The following ROBO1 variants were observed in gnomAD, a reference collection of about 807,000 sequenced individuals.
The protein encoded by ROBO1 is roundabout homolog 1.
In ROBO1, 149 loss-of-function variants were observed where a neutral mutation model predicts 195.9. The observed-to-expected ratio is 0.76, with a 90% confidence interval of 0.67 to 0.87. ROBO1 has a LOEUF of 0.87. Ranked by LOEUF, ROBO1 falls within the 40% of genes least tolerant of loss-of-function variation. ROBO1 has a pLI of 0.00. For missense variants in ROBO1, 1,933 were observed against 2,068.3 expected, an observed-to-expected ratio of 0.93 and a Z score of 1.27; for synonymous variants, 816 against 733.2, an observed-to-expected ratio of 1.11 and a Z score of -1.82.
chr3:78,951,011 C>A (rs894013476), intron 3 of ROBO1, among the ~76,000 whole-genome samples: 1 of 151,426 alleles, frequency 6.6e-6, no homozygotes, highest in African/African-American at 2.4e-5. Context: ...TGAGGGAAAA[C>A]CTATATCATA....
intron 2 of ROBO1, among the ~76,000 whole-genome samples, chr3:79,444,759 T>C (rs2039182392): frequency 6.6e-6 from 1 of 152,060 alleles, no homozygotes; most frequent in Non-Finnish European, 1.5e-5. Context: ...TATTTTCAGT[T>C]GGCAACACAG....
At chr3:78,900,787 C>A (rs1278128032) in intron 4 of ROBO1, among the ~76,000 whole-genome samples, 1 of 151,654 alleles carries the variant, frequency 6.6e-6, no homozygotes, top group Admixed American at 6.6e-5. Context: ...AATATGTTAA[C>A]CAATTTCCAA....
chr3:79,186,187 C>T (rs2081434384), intron 2 of ROBO1, among the ~76,000 whole-genome samples: 1 of 152,060 alleles, frequency 6.6e-6, no homozygotes, highest in African/African-American at 2.4e-5. Flanking sequence ...CCCAAGTTAA[C>T]TTTATTTGCT....
At chr3:79,620,435 C>T (rs1319852632) in intron 1 of ROBO1, among the ~76,000 whole-genome samples, 2 of 152,118 alleles carry the variant, frequency 1.3e-5, no homozygotes, top group African/African-American at 4.8e-5. Flanking sequence ...GGCCCCTTTC[C>T]CTTGCCTCCA....
rs116970603 is a variant in ROBO1, at chr3:79,692,600, G to A, written c.-51+75152C>T. On this transcript the variant is annotated intron_variant, in intron 1 of 30. Coordinates refer to ENST00000464233, the MANE Select transcript of ROBO1 (RefSeq NM_002941.4). ...CAAGTCCTGCAGGATCTCACGGATA[G>A]TGGGTTCTAAAAAAGTCCACGGCAT... 4.5e-4 allele frequency among the ~76,000 whole-genome samples: 69 copies of A among 151,934 alleles called. 1 individual carries two copies. The East Asian group carries it at 0.013, about 29-fold the overall frequency.
chr3:79,116,351 CTT>C (rs2079997177), intron 3 of ROBO1, among the ~76,000 whole-genome samples: 1 of 126,148 alleles, frequency 7.9e-6, no homozygotes, highest in Non-Finnish European at 1.7e-5. Context: ...CTTTCTTTTT[CTT>C]TCTTATTTTT....
chr3:79,623,595 A>T (rs1945078796), intron 1 of ROBO1, among the ~76,000 whole-genome samples: 1 of 152,238 alleles, frequency 6.6e-6, no homozygotes, highest in African/African-American at 2.4e-5. Context: ...AAAGGATATC[A>T]GAGTTGGAAG....
intron 5 of ROBO1, 33 bp downstream of exon 5, chr3:78,746,710 C>A (rs778208426): frequency 1.6e-5 from 23 of 1,410,606 alleles, no homozygotes; most frequent in East Asian, 5.0e-5. Flanking sequence ...GTTAGACCAA[C>A]AAATGTCCTC....
chr3:79,704,817 G>A (rs543192593), intron 1 of ROBO1, among the ~76,000 whole-genome samples: 50 of 152,116 alleles, frequency 3.3e-4, no homozygotes, highest in Non-Finnish European at 5.9e-4. Flanking sequence ...ATAAATGAGA[G>A]TTCTTGTTTT....
intron 8 of ROBO1, among the ~76,000 whole-genome samples, chr3:78,696,532 G>A (rs1322583209): frequency 6.6e-6 from 1 of 151,770 alleles, no homozygotes; most frequent in Non-Finnish European, 1.5e-5. Context: ...AATTAGTGGT[G>A]AAGAATATTC....
chr3:79,214,634 G>A (rs965136053), intron 2 of ROBO1, among the ~76,000 whole-genome samples: 4 of 151,788 alleles, frequency 2.6e-5, no homozygotes, highest in Non-Finnish European at 5.9e-5. Flanking sequence ...AAACACTTAG[G>A]AGGTGGTTCA....
intron 5 of ROBO1, among the ~76,000 whole-genome samples, chr3:78,737,683 C>T (rs2082423797): frequency 6.6e-6 from 1 of 151,968 alleles, no homozygotes; most frequent in East Asian, 1.9e-4. Flanking sequence ...CCCAGTGTTT[C>T]AATTATTAAA....
chr3:79,164,447 G>T (rs1250254399), intron 2 of ROBO1, among the ~76,000 whole-genome samples: 1 of 152,076 alleles, frequency 6.6e-6, no homozygotes, highest in Middle Eastern at 3.2e-3. Flanking sequence ...AAATCATATT[G>T]CACCACCTTT....
intron 29 of ROBO1, among the ~76,000 whole-genome samples, chr3:78,604,710 T>C (rs1175331611): frequency 3.3e-5 from 5 of 152,070 alleles, no homozygotes; most frequent in Non-Finnish European, 2.9e-5. Context: ...GCCCTCTGTG[T>C]TGAAAAGAAG....
intron 2 of ROBO1, among the ~76,000 whole-genome samples, chr3:79,250,479 T>G (rs1007614016): frequency 1.2e-4 from 19 of 152,156 alleles, no homozygotes; most frequent in Admixed American, 3.3e-4. Context: ...TAAAACTGAT[T>G]CTTAGAAGTT....
At chr3:79,717,406 G>A (rs572046516) in intron 1 of ROBO1, among the ~76,000 whole-genome samples, 29 of 151,926 alleles carry the variant, frequency 1.9e-4, no homozygotes, top group Non-Finnish European at 2.2e-4. Flanking sequence ...ATTTTAGGTT[G>A]GCTATCTTTA....
At chr3:79,398,697 T>C (rs1185739268) in intron 2 of ROBO1, among the ~76,000 whole-genome samples, 1 of 152,156 alleles carries the variant, frequency 6.6e-6, no homozygotes, top group African/African-American at 2.4e-5. Flanking sequence ...TTCCCTGGTC[T>C]CTACCAACTA....
intron 1 of ROBO1, among the ~76,000 whole-genome samples, chr3:79,618,281 T>C (rs754421475): frequency 9.2e-5 from 14 of 152,114 alleles, no homozygotes; most frequent in Non-Finnish European, 1.6e-4. Flanking sequence ...AAATAACAAC[T>C]GGGAGAAACT....
chr3:79,044,650 A>G (rs2078555350), intron 3 of ROBO1, among the ~76,000 whole-genome samples: 1 of 152,158 alleles, frequency 6.6e-6, no homozygotes, highest in Non-Finnish European at 1.5e-5. Flanking sequence ...GGGAGTTAGT[A>G]TGGAAATTGG....
Sources: gnomAD v4.1 joint callset for allele counts (sites outside exome capture counted in the v4.1 genomes callset) on GRCh38, gnomAD v4.1.1 for gene constraint, MANE v1.5 for transcripts, NCBI Gene and HGNC (gene_info 2026-07-23, HGNC 2026-07-21) for gene names.